Variants in ROBO1 observed in about 807,000 individuals in gnomAD.
ROBO1 encodes the protein roundabout guidance receptor 1.
In ROBO1, 149 loss-of-function variants were observed where a neutral mutation model predicts 195.9. The observed-to-expected ratio is 0.76, with a 90% CI of 0.67 to 0.87. ROBO1 has a LOEUF of 0.87. Ranked by LOEUF, ROBO1 falls within the 40% of genes least tolerant of loss-of-function variation. The probability of loss-of-function intolerance (pLI) is 0.00; values close to 1 mark genes in which losing one functional copy is unlikely to be tolerated. For synonymous variants in ROBO1, 816 were observed against 733.2 expected, an observed-to-expected ratio of 1.11 and a Z score of -1.82; for missense variants, 1,933 against 2,068.3, an observed-to-expected ratio of 0.93 and a Z score of 1.27.
intron 2 of ROBO1, among the ~76,000 whole-genome samples, chr3:79,568,055 G>A (rs1943147839): frequency 6.6e-6 from 1 of 152,072 alleles, no homozygotes; most frequent in Non-Finnish European, 1.5e-5. Context: ...GTGAATGTAA[G>A]GTTCCTTCCC....
chr3:79,120,807 T>C (rs1268577224), intron 3 of ROBO1, among the ~76,000 whole-genome samples: 1 of 152,168 alleles, frequency 6.6e-6, no homozygotes, highest in Non-Finnish European at 1.5e-5. Flanking sequence ...TACTTAGCTC[T>C]GAAGCAGACT....
chr3:78,673,593 T>TATAC (rs1336875788), intron 10 of ROBO1, among the ~76,000 whole-genome samples: 1 of 62,868 alleles, frequency 1.6e-5, no homozygotes, highest in African/African-American at 4.5e-5. Context: ...TATATATATA[T>TATAC]ATATATATAT....
intron 2 of ROBO1, among the ~76,000 whole-genome samples, chr3:79,461,799 A>ACATAATGTTTGAAAATGG (rs1384614585): frequency 6.6e-6 from 1 of 152,272 alleles, no homozygotes; most frequent in African/African-American, 2.4e-5. Flanking sequence ...TATCATTTTG[A>ACATAATGTTTGAAAATGG]CATAATGTTT....
At chr3:78,743,444 A>G (rs1284906835) in intron 5 of ROBO1, among the ~76,000 whole-genome samples, 6 of 152,136 alleles carry the variant, frequency 3.9e-5, no homozygotes, top group Non-Finnish European at 8.8e-5. Context: ...GCTCCCTCTC[A>G]GTTTCCACTG....
At chr3:79,098,484 T>C (rs1291729643) in intron 3 of ROBO1, among the ~76,000 whole-genome samples, 1 of 151,824 alleles carries the variant, frequency 6.6e-6, no homozygotes, top group African/African-American at 2.4e-5. Flanking sequence ...TCAGGGGCTG[T>C]CTGTCTCAGT....
chr3:79,195,172 T>A (rs1236703764), intron 2 of ROBO1, among the ~76,000 whole-genome samples: 2 of 151,650 alleles, frequency 1.3e-5, no homozygotes, highest in Middle Eastern at 3.4e-3. Context: ...ACTCCAAAGA[T>A]CAGTACTGTC....
At chr3:78,930,599 A>C (rs1381728556) in intron 4 of ROBO1, among the ~76,000 whole-genome samples, 1 of 152,210 alleles carries the variant, frequency 6.6e-6, no homozygotes, top group African/African-American at 2.4e-5. Context: ...TTCCATTTGC[A>C]GTCATAGGCT....
intron 8 of ROBO1, among the ~76,000 whole-genome samples, chr3:78,705,626 T>C (rs763014071): frequency 1.3e-5 from 2 of 152,182 alleles, no homozygotes; most frequent in South Asian, 2.1e-4. Context: ...ATGGGCAACA[T>C]GTATTTCTGG....
intron 4 of ROBO1, among the ~76,000 whole-genome samples, chr3:78,792,931 C>T (rs1323687842): frequency 2.6e-5 from 4 of 151,868 alleles, no homozygotes; most frequent in Non-Finnish European, 5.9e-5. Flanking sequence ...AGAACCTCCT[C>T]TCTACTAAAA....
At chr3:78,999,834 A>G (rs1276019231) in intron 3 of ROBO1, among the ~76,000 whole-genome samples, 1 of 152,146 alleles carries the variant, frequency 6.6e-6, no homozygotes, top group Non-Finnish European at 1.5e-5. Flanking sequence ...CTCTCTGCCT[A>G]TATGTTTTAC....
At chr3:79,512,777 A>G (rs192867266) in intron 2 of ROBO1, 61 of 152,300 alleles carry the variant, frequency 4.0e-4, no homozygotes, top group African/African-American at 1.4e-3. Context: ...GAACAATTCT[A>G]AACATAAATA....
At chr3:79,528,078 A>T (rs1941508199) in intron 2 of ROBO1, among the ~76,000 whole-genome samples, 1 of 80,054 alleles carries the variant, frequency 1.2e-5, no homozygotes, top group African/African-American at 6.5e-5. Context: ...GAATTAAATT[A>T]TATGGCTCTT....
chr3:79,055,224 G>A lies in ROBO1; in HGVS notation c.172+70232C>T, dbSNP rs778051733. Among the ~76,000 whole-genome samples the A allele has an allele frequency of 1.1e-4, 17 of 152,162 alleles. No individual in the cohort carries two copies. The South Asian group carries it at 1.2e-3, about 11-fold the overall frequency. ...CGTGTCTGCCAAGGTTCCTGTTTCC[G>A]TTCCGGCCAGTGAGTCAATTGCTCA... On this transcript the variant is annotated intron_variant, in intron 3 of 30. Coordinates refer to ENST00000464233, the MANE Select transcript of ROBO1 (RefSeq NM_002941.4).
intron 1 of ROBO1, among the ~76,000 whole-genome samples, chr3:79,644,390 G>A (rs1453560527): frequency 6.6e-6 from 1 of 152,058 alleles, no homozygotes; most frequent in Non-Finnish European, 1.5e-5. Flanking sequence ...ACCTGAGACT[G>A]GGCAAGTTAA....
chr3:78,935,819 GTT>G (rs2039775817), intron 4 of ROBO1, among the ~76,000 whole-genome samples: 1 of 151,924 alleles, frequency 6.6e-6, no homozygotes, highest in Non-Finnish European at 1.5e-5. Context: ...CATAAAAATT[GTT>G]TTCTTTTATA....
At chr3:79,465,733 C>A (rs1435585746) in intron 2 of ROBO1, among the ~76,000 whole-genome samples, 1 of 152,036 alleles carries the variant, frequency 6.6e-6, no homozygotes, top group African/African-American at 2.4e-5. Flanking sequence ...TGACTAAATT[C>A]TCCAGACTCA....
intron 2 of ROBO1, among the ~76,000 whole-genome samples, chr3:79,190,974 T>C (rs544380835): frequency 6.6e-6 from 1 of 151,710 alleles, no homozygotes; most frequent in South Asian, 2.1e-4. Flanking sequence ...CATTGAGATA[T>C]TTTTAGGACA....
chr3:79,107,127 TCACACACACACACACA>T (rs369021063), intron 3 of ROBO1, among the ~76,000 whole-genome samples: 1 of 136,388 alleles, frequency 7.3e-6, no homozygotes, highest in Non-Finnish European at 1.6e-5. Context: ...TCTCTCTCTC[TCACACACACACACACA>T]CACACACACA....
chr3:79,504,351 A>G (rs555160572), intron 2 of ROBO1, among the ~76,000 whole-genome samples: 2 of 152,204 alleles, frequency 1.3e-5, no homozygotes, highest in South Asian at 4.1e-4. Flanking sequence ...ATGTATAAAT[A>G]TATATTCATA....
Sources: gnomAD v4.1 joint callset for allele counts (sites outside exome capture counted in the v4.1 genomes callset) on GRCh38, gnomAD v4.1.1 for gene constraint, MANE v1.5 for transcripts, NCBI Gene and HGNC (gene_info 2026-07-23, HGNC 2026-07-21) for gene names.